Variants in TTC7B observed in about 807,000 individuals in gnomAD.
TTC7B encodes the protein tetratricopeptide repeat domain 7B.
In TTC7B, 28 loss-of-function variants were observed where a neutral mutation model predicts 106.8. The observed-to-expected ratio is 0.26, with a 90% CI of 0.19 to 0.36. The LOEUF is 0.36. Among genes scored for constraint, TTC7B ranks in the 10% least tolerant of loss-of-function variants. The probability of loss-of-function intolerance (pLI) is 1.00; values close to 1 mark genes in which losing one functional copy is unlikely to be tolerated. For synonymous variants in TTC7B, 405 were observed against 430.6 expected (o/e 0.94, Z 0.74); for missense variants, 862 against 1,076.4 (o/e 0.80, Z 2.79).
At chr14:90,566,520 T>A (rs527479114) in intron 19 of TTC7B, among the ~76,000 whole-genome samples, 1 of 152,172 alleles carries the variant, frequency 6.6e-6, no homozygotes, top group African/African-American at 2.4e-5. Context: ...GACTAGTTGA[T>A]GTTCTGAAAG....
Position 90,619,723 on chromosome 14 carries a change from G to A in TTC7B, c.1752-1678C>T, listed in dbSNP as rs1173923059. 4.6e-5 allele frequency among the ~76,000 whole-genome samples: 7 copies of A among 152,294 alleles called. 1 individual carries two copies. The highest frequency in any genetic ancestry group is 4.6e-4 in the Admixed American group (7 of 15,294). On this transcript the variant is annotated intron_variant, in intron 15 of 19. Coordinates refer to ENST00000328459, the MANE Select transcript of TTC7B (RefSeq NM_001010854.2). Reference sequence around the variant, plus strand: ...CAACAGATATGGAAACTGAAGCTCTGGTGCCCTTTGGTTGTTTTCTGGATG... The same window carrying A: ...CAACAGATATGGAAACTGAAGCTCTAGTGCCCTTTGGTTGTTTTCTGGATG...
At chr14:90,587,636 C>G (rs1430188450) in intron 18 of TTC7B, among the ~76,000 whole-genome samples, 1 of 152,196 alleles carries the variant, frequency 6.6e-6, no homozygotes, top group Non-Finnish European at 1.5e-5. Context: ...GCACTTGGCA[C>G]AGGGAGTTAA....
intron 7 of TTC7B, among the ~76,000 whole-genome samples, chr14:90,684,876 C>CA (rs979939301): frequency 7.9e-5 from 12 of 151,860 alleles, no homozygotes; most frequent in African/African-American, 2.9e-4. Context: ...GGTGTGTATC[C>CA]AAAAAAGCTT....
intron 1 of TTC7B, among the ~76,000 whole-genome samples, chr14:90,788,253 G>C (rs879809912): frequency 1.3e-5 from 2 of 152,156 alleles, no homozygotes; most frequent in Non-Finnish European, 2.9e-5. Flanking sequence ...GGGGTACAAA[G>C]TGCGACTCCA....
Position 90,759,367 on chromosome 14 carries a change from C to T in TTC7B, c.446-14445G>A, listed in dbSNP as rs948870326. On this transcript the variant is annotated intron_variant, in intron 3 of 19. Transcript: ENST00000328459. This position sits in a 1 kb window ranked among gnomAD's most constrained non-coding sequence, Gnocchi z 4.1. ...GGATGGGTGGTGACGGAACAAGCACCGTACTAGGAGTTTTAAAATATAAAA... is the reference window on the plus strand; with the variant it reads ...GGATGGGTGGTGACGGAACAAGCACTGTACTAGGAGTTTTAAAATATAAAA... Among the ~76,000 whole-genome samples, 1 of 152,146 alleles carries T rather than the reference C, an allele frequency of 6.6e-6. No individual in the cohort carries two copies. Among genetic ancestry groups the T allele is most frequent in the Non-Finnish European group, 1.5e-5 (1 of 68,030 alleles).
rs893344689 is a variant in TTC7B at position 90,769,427 on chromosome 14, A to G, written c.445+11311T>C. On this transcript the variant is annotated intron_variant, in intron 3 of 19. Transcript: ENST00000328459. ...TCCAACTATATGCCGTCTACAAGAA[A>G]CTCTAGATCCACAGACATAAATACG... is the stretch of plus-strand genomic sequence containing the variant. 4.6e-5 allele frequency among the ~76,000 whole-genome samples: 7 copies of G among 152,146 alleles called. 1 individual carries two copies. Among genetic ancestry groups the G allele is most frequent in the African/African-American group, 9.7e-5 (4 of 41,436 alleles).
At chr14:90,791,529 G>A (rs893056115) in intron 1 of TTC7B, among the ~76,000 whole-genome samples, 16 of 152,022 alleles carry the variant, frequency 1.1e-4, no homozygotes, top group Non-Finnish European at 1.6e-4. Flanking sequence ...CAGAGCACGC[G>A]GCTGCCCAGT....
intron 7 of TTC7B, among the ~76,000 whole-genome samples, chr14:90,682,124 T>C: frequency 6.6e-6 from 1 of 152,118 alleles, no homozygotes; most frequent in East Asian, 1.9e-4. Context: ...GTAACATGAA[T>C]CATTTTTTTT....
chr14:90,557,614 C>T (rs918980794), intron 19 of TTC7B, among the ~76,000 whole-genome samples: 11 of 152,230 alleles, frequency 7.2e-5, no homozygotes, highest in African/African-American at 2.7e-4. Flanking sequence ...CCTGCAGGAG[C>T]AGAGGCCTGG....
intron 15 of TTC7B, among the ~76,000 whole-genome samples, chr14:90,639,578 G>C (rs939896474): frequency 1.3e-5 from 2 of 152,184 alleles, no homozygotes; most frequent in Non-Finnish European, 2.9e-5. Context: ...CTTGAGCGCT[G>C]CTGATGGGAG....
chr14:90,564,494 C>T (rs902510836), intron 19 of TTC7B, among the ~76,000 whole-genome samples: 4 of 152,162 alleles, frequency 2.6e-5, no homozygotes, highest in Non-Finnish European at 5.9e-5. Flanking sequence ...TTGCATCAGC[C>T]CCTAACAAAA....
intron 9 of TTC7B, among the ~76,000 whole-genome samples, chr14:90,665,140 T>G (rs1185516266): frequency 1.3e-5 from 2 of 152,134 alleles, no homozygotes; most frequent in Non-Finnish European, 2.9e-5. Flanking sequence ...AAACAGCAGG[T>G]GACATCTCCA....
At chr14:90,713,895 G>A (rs895115389) in intron 5 of TTC7B, among the ~76,000 whole-genome samples, 1 of 152,186 alleles carries the variant, frequency 6.6e-6, no homozygotes, top group East Asian at 1.9e-4. Flanking sequence ...TACATGCTAC[G>A]ATGGGAGTGA....
At position 90,804,439 on chromosome 14, in the gene TTC7B, C is replaced by A. The variant is rs73332798; in HGVS notation, c.121+11736G>T. ...TCCTGGCCTGGTGGTGTGGAGAGGC[C>A]CCCAGGACGCTGAGAGGAGTGTCCA... On this transcript the variant is annotated intron_variant, in intron 1 of 19. Transcript: ENST00000328459. Among the ~76,000 whole-genome samples the A allele has an allele frequency of 1.5e-3, 225 of 152,232 alleles. 1 individual carries two copies. Among genetic ancestry groups the A allele is most frequent in the African/African-American group, 5.3e-3 (222 of 41,550 alleles).
rs1441015522 is a variant in TTC7B at position 90,550,519 on chromosome 14, T to G, written c.2311-8930A>C. On this transcript the variant is annotated intron_variant, in intron 19 of 19. Coordinates refer to ENST00000328459, the MANE Select transcript of TTC7B (RefSeq NM_001010854.2). ...TCCCCTCTCTCAAAGTGCTTGCTTT[T>G]GGTCTCTGCCTGAGGCTACATTTCC... Among the ~76,000 whole-genome samples, 3 of 152,216 alleles carry G rather than the reference T, an allele frequency of 2.0e-5. 1 individual carries two copies. Among genetic ancestry groups the G allele is most frequent in the Non-Finnish European group, 2.9e-5 (2 of 68,040 alleles).
intron 1 of TTC7B, among the ~76,000 whole-genome samples, chr14:90,796,879 G>A (rs771653724): frequency 6.7e-6 from 1 of 148,734 alleles, no homozygotes; most frequent in African/African-American, 2.5e-5. Context: ...AGACAGTCTC[G>A]CTCTGTCACC....
chr14:90,609,302 T>G (rs930167830), intron 17 of TTC7B, among the ~76,000 whole-genome samples: 2 of 152,220 alleles, frequency 1.3e-5, no homozygotes, highest in African/African-American at 4.8e-5. Flanking sequence ...TGCACCAATT[T>G]ACGATTTGTG....
chr14:90,610,443 G>A (rs987777253), intron 17 of TTC7B, among the ~76,000 whole-genome samples: 7 of 152,222 alleles, frequency 4.6e-5, no homozygotes, highest in Non-Finnish European at 1.0e-4. Context: ...GGGAAGCAGA[G>A]GGGAAACCTG....
rs1219757363 is a variant in TTC7B at position 90,782,907 on chromosome 14, T to C, written c.277-2001A>G. On this transcript the variant is annotated intron_variant, in intron 2 of 19. Transcript: ENST00000328459. ...TACACTGTACACTTACAAAGAGCTA[T>C]AATGTTAGGTTGTAAGTTATGTATA... 2.0e-5 allele frequency among the ~76,000 whole-genome samples: 3 copies of C among 151,266 alleles called. No homozygotes were observed. The East Asian group carries it at 5.8e-4, about 29-fold the overall frequency.
Sources: allele counts gnomAD v4.1 joint callset (sites outside exome capture counted in the v4.1 genomes callset), GRCh38; gene constraint gnomAD v4.1.1; non-coding constraint Gnocchi (gnomAD v3.1); transcripts MANE v1.5; gene names NCBI Gene and HGNC (gene_info 2026-07-23, HGNC 2026-07-21).